Variants in TMC3 observed in about 807,000 individuals in gnomAD.
TMC3 encodes transmembrane channel-like protein 3.
A neutral mutation model predicts 110.6 loss-of-function variants in TMC3; 98 were observed. The observed-to-expected ratio is 0.89, with a 90% CI of 0.75 to 1.05. The LOEUF (loss-of-function observed/expected upper bound fraction) is 1.05, where lower values mean the gene tolerates loss of function less well. Among genes scored for constraint, TMC3 ranks in the 50% least tolerant of loss-of-function variants. The pLI, the probability that TMC3 is intolerant of heterozygous loss-of-function variation, is 0.00. For missense variants in TMC3, 1,319 were observed against 1,373.2 expected, an observed-to-expected ratio of 0.96 and a Z score of 0.62; for synonymous variants, 489 against 513.1, an observed-to-expected ratio of 0.95 and a Z score of 0.63.
In TMC3 at chr15:81,362,563, C is replaced by A. The variant is rs111694742; in HGVS notation, c.313-262G>T. 3.3e-3 allele frequency among the ~76,000 whole-genome samples: 496 copies of A among 152,212 alleles called. 1 individual carries two copies. Among genetic ancestry groups the A allele is most frequent in the Middle Eastern group, 0.014 (4 of 294 alleles). On this transcript the variant is annotated intron_variant, in intron 3 of 21. Transcript: ENST00000359440. ...TATGCACCTCAATACAGACACCACCCGAGCCGTGATGCCTGTATTGAAGTG... is the reference window on the plus strand; with the variant it reads ...TATGCACCTCAATACAGACACCACCAGAGCCGTGATGCCTGTATTGAAGTG...
rs180765873 is a variant in TMC3 at position 81,363,206 on chromosome 15, G to A, written c.313-905C>T. 2.9e-4 allele frequency among the ~76,000 whole-genome samples: 44 copies of A among 151,470 alleles called. No individual in the cohort carries two copies. The East Asian group carries it at 7.6e-3, about 26-fold the overall frequency. On this transcript the variant is annotated intron_variant, in intron 3 of 21. Transcript: ENST00000359440. ...GCAGAGGTTGCAGTGAGCCGAGACC[G>A]TGCCACTGCACTGCAGCCTGGGGGA... is the stretch of plus-strand genomic sequence containing the variant.
At position 81,334,835 on chromosome 15, in the gene TMC3, C is replaced by T. The variant is rs1323867814; in HGVS notation, c.2344G>A (p.Gly782Ser). The change falls in exon 21 of 22, where the codon GGC (glycine) becomes AGC (serine). Residue 782 changes from glycine to serine, a missense_variant. By Grantham distance (56) the Gly-to-Ser change is moderately conservative. Transcript: ENST00000359440. ...GACTGTGCGACTGTCTCTATCCTGCCACTCTTGCTGCTCCCTGAGTCAAAA... is the reference window on the plus strand; with the variant it reads ...GACTGTGCGACTGTCTCTATCCTGCTACTCTTGCTGCTCCCTGAGTCAAAA... ...AHFDSGSSKS[G>S]RIETVAQSMP... is the part of the protein sequence containing the mutation. 1 of 1,613,914 alleles carries T rather than the reference C, an allele frequency of 6.2e-7. No homozygotes were observed. Among genetic ancestry groups the T allele is most frequent in the East Asian group, 2.2e-5 (1 of 44,896 alleles).
chr15:81,370,457 TG>T (rs1353876401), intron 2 of TMC3, among the ~76,000 whole-genome samples: 1 of 152,132 alleles, frequency 6.6e-6, no homozygotes, highest in Non-Finnish European at 1.5e-5. Context: ...GCTGAACACA[TG>T]GCCGGTGTCA....
chr15:81,364,243 C>G (rs1894255440), intron 3 of TMC3, among the ~76,000 whole-genome samples: 1 of 152,032 alleles, frequency 6.6e-6, no homozygotes, highest in Non-Finnish European at 1.5e-5. Flanking sequence ...GACTGAATGG[C>G]CCAAGATGCT....
intron 9 of TMC3, among the ~76,000 whole-genome samples, chr15:81,354,900 T>C (rs999238368): frequency 6.6e-6 from 1 of 151,980 alleles, no homozygotes; most frequent in Non-Finnish European, 1.5e-5. Context: ...GGAGGAGAGC[T>C]ACAGAAAAAG....
intron 11 of TMC3, among the ~76,000 whole-genome samples, chr15:81,349,082 C>T (rs1359138417): frequency 2.0e-5 from 3 of 152,198 alleles, no homozygotes; most frequent in Non-Finnish European, 2.9e-5. Context: ...CCACCCGCCT[C>T]GGCCTCCCAA....
At chr15:81,369,967 G>A (rs1328815778) in intron 2 of TMC3, among the ~76,000 whole-genome samples, 1 of 152,054 alleles carries the variant, frequency 6.6e-6, no homozygotes, top group East Asian at 1.9e-4. Context: ...TCTCTGCCCT[G>A]GAAGAGTTCA....
chr15:81,347,551 G>GT (rs1185187062), intron 11 of TMC3, among the ~76,000 whole-genome samples: 1 of 152,216 alleles, frequency 6.6e-6, no homozygotes, highest in East Asian at 1.9e-4. Flanking sequence ...GTTGGCCAAA[G>GT]GAAGGATTGA....
chr15:81,358,184 TG>T lies in TMC3; in HGVS notation c.707del (p.Ala236GlufsTer11). 3 of 1,610,038 alleles carry T rather than the reference TG, an allele frequency of 1.9e-6. No individual in the cohort carries two copies. Among genetic ancestry groups the T allele is most frequent in the Non-Finnish European group, 2.5e-6 (3 of 1,178,678 alleles). On this transcript the variant is annotated frameshift_variant, in exon 7 of 22. Transcript: ENST00000359440. LOFTEE classifies it high-confidence loss of function. ...LPLAYFLVGM[A>X]VFAYSFIILL... The stretch of plus-strand genomic sequence containing the variant: ...GAATGATGAAGCTGTAAGCAAACAC[TG>T]CCATCCCCACTAGGAAATACGCCAA...
In TMC3 at chr15:81,332,827, G is replaced by A. The variant is rs570513707; in HGVS notation, c.2895C>T (p.Asp965=). ...KRSLPPRSLI[D]LRRAPHFYIG... ...TATAAAAATGAGGAGCCCGACGGAGGTCTATCAGGGAGCGTGGGGGAAGAG... is the reference window on the plus strand; with the variant it reads ...TATAAAAATGAGGAGCCCGACGGAGATCTATCAGGGAGCGTGGGGGAAGAG... Residue 965 remains aspartate, a synonymous_variant, in exon 22 of 22, where the codon GAC becomes GAT. Transcript: ENST00000359440. 5.6e-6 allele frequency: 9 copies of A among 1,613,142 alleles called. No homozygotes were observed. In the South Asian group the frequency reaches 9.9e-5, roughly 18 times the overall value.
In TMC3 at chr15:81,341,592, C is replaced by T. The variant is rs556552093; in HGVS notation, c.1716-74G>A. 1.5e-5 allele frequency: 23 copies of T among 1,506,378 alleles called. No individual in the cohort carries two copies. The African/African-American group carries it at 3.0e-4, about 20-fold the overall frequency. The allele number at this position is 1,506,378 out of a possible 1,614,324, so 93.3% of individuals were successfully genotyped here. A position where few individuals can be genotyped will look rare whatever the true frequency, so the allele number is the denominator to read the frequency against. On this transcript the variant is annotated intron_variant, in intron 15 of 21. Transcript: ENST00000359440. Reference sequence around the variant, plus strand: ...CTCCCAGGACTATGGAAGCCCCATGCAGGAACATGGTTCTGACACTTTGGG... The same window carrying T: ...CTCCCAGGACTATGGAAGCCCCATGTAGGAACATGGTTCTGACACTTTGGG...
chr15:81,355,660 GT>G lies in TMC3; in HGVS notation c.935+64del, dbSNP rs2141713676. On this transcript the variant is annotated intron_variant, in intron 9 of 21. Transcript: ENST00000359440. ...AAAATAAGATATAGATGATCTGGTA[GT>G]TTTTGTACCAAACTAAAAATAAAAC... 6 of 1,083,640 alleles carry G rather than the reference GT, an allele frequency of 5.5e-6. No individual in the cohort carries two copies. In the South Asian group the frequency reaches 8.1e-5, roughly 15 times the overall value. The allele number at this position is 1,083,640 out of a possible 1,614,324, so 67.1% of individuals were successfully genotyped here. A position where few individuals can be genotyped will look rare whatever the true frequency, so the allele number is the denominator to read the frequency against.
At chr15:81,365,543 C>T (rs1012945049) in intron 3 of TMC3, among the ~76,000 whole-genome samples, 211 of 151,744 alleles carry the variant, frequency 1.4e-3, no homozygotes, top group African/African-American at 3.3e-3. Flanking sequence ...TGGTGGCAGG[C>T]GCCTGTAATC....
Position 81,368,311 on chromosome 15 carries a change from A to G in TMC3, c.254T>C (p.Val85Ala). Residue 85 changes from valine (V) to alanine (A), a missense_variant, in exon 3 of 22, where the codon GTG becomes GCG. Val to Ala is a moderately conservative substitution (Grantham distance 64, BLOSUM62 0). Transcript: ENST00000359440. ...LRALRQAKNI[V>A]LKFEGRLTRT... Reference sequence around the variant, plus strand: ...GGTCAGCCTCCCTTCAAACTTCAGCACAATGTTCTTCGCTTGTCTAAGAGA... The same window carrying G: ...GGTCAGCCTCCCTTCAAACTTCAGCGCAATGTTCTTCGCTTGTCTAAGAGA... 6.2e-7 allele frequency: 1 copy of G among 1,613,614 alleles called. No individual in the cohort carries two copies. The highest frequency in any genetic ancestry group is 2.2e-5 in the East Asian group (1 of 44,866).
In TMC3 at chr15:81,355,577, C is replaced by T. The variant is rs527668513; in HGVS notation, c.935+148G>A. The stretch of plus-strand genomic sequence containing the variant: ...AAATATTGCTAAGGAAAAAATCATT[C>T]AGTTCCCTCAGATCACATTATGAGA... On this transcript the variant is annotated intron_variant, in intron 9 of 21. Coordinates refer to ENST00000359440, the MANE Select transcript of TMC3 (RefSeq NM_001080532.3). 1.5e-4 allele frequency: 96 copies of T among 623,390 alleles called. No homozygotes were observed. The African/African-American group carries it at 1.7e-3, about 11-fold the overall frequency. 38.6% of individuals were successfully genotyped at this position (623,390 alleles called of 1,614,324 possible).
Position 81,360,433 on chromosome 15 carries a change from A to G in TMC3, c.395-962T>C, listed in dbSNP as rs368892012. 5.9e-5 allele frequency among the ~76,000 whole-genome samples: 9 copies of G among 152,332 alleles called. No homozygotes were observed. The East Asian group carries it at 9.6e-4, about 16-fold the overall frequency. On this transcript the variant is annotated intron_variant, in intron 4 of 21. Transcript: ENST00000359440. ...AAGTAAATTTTCCATAACTTACTTAAACTATTCCCCATGACTTGACATTTA... is the reference window on the plus strand; with the variant it reads ...AAGTAAATTTTCCATAACTTACTTAGACTATTCCCCATGACTTGACATTTA...
chr15:81,371,915 A>G (rs1004923177), intron 2 of TMC3, among the ~76,000 whole-genome samples: 2 of 152,286 alleles, frequency 1.3e-5, no homozygotes, highest in East Asian at 1.9e-4. Flanking sequence ...GCTATTCCTC[A>G]CCATCGCTTC....
At chr15:81,363,186 G>A (rs1332516790) in intron 3 of TMC3, among the ~76,000 whole-genome samples, 1 of 151,876 alleles carries the variant, frequency 6.6e-6, no homozygotes, top group Non-Finnish European at 1.5e-5. Flanking sequence ...GGGAGGCAGA[G>A]GTTGCAGTGA....
At chr15:81,356,899 G>A (rs1313808374) in intron 7 of TMC3, among the ~76,000 whole-genome samples, 1 of 152,230 alleles carries the variant, frequency 6.6e-6, no homozygotes, top group African/African-American at 2.4e-5. Flanking sequence ...GGAGCCAGCT[G>A]TTCTCATCTC....
Sources: allele counts gnomAD v4.1 joint callset (sites outside exome capture counted in the v4.1 genomes callset), GRCh38; gene constraint gnomAD v4.1.1; transcripts MANE v1.5; gene names NCBI Gene and HGNC (gene_info 2026-07-23, HGNC 2026-07-21).